Variants in MGAT5 observed in about 807,000 individuals in gnomAD.
The protein encoded by MGAT5 is alpha-1,6-mannosylglycoprotein 6-beta-N-acetylglucosaminyltransferase.
MGAT5 carries 30 observed loss-of-function variants against 94.3 expected under a neutral mutation model. The ratio of observed to expected loss-of-function variants is 0.32; its 90% CI spans 0.24 to 0.43. The LOEUF is 0.43. Ranked by LOEUF, MGAT5 falls within the 20% of genes least tolerant of loss-of-function variation. MGAT5 has a pLI of 1.00. For synonymous variants in MGAT5, 310 were observed against 322.9 expected (o/e 0.96, Z 0.43); for missense variants, 691 against 905.5 (o/e 0.76, Z 3.04).
rs146503488 is a variant in MGAT5, at chr2:134,331,457, G to A, written c.574-4760G>A. Among the ~76,000 whole-genome samples the A allele has an allele frequency of 4.0e-3, 616 of 152,228 alleles. 3 individuals carry two copies. Among genetic ancestry groups the A allele is most frequent in the African/African-American group, 0.014 (570 of 41,556 alleles). On this transcript the variant is annotated intron_variant, in intron 4 of 15. Transcript: ENST00000281923. ...GAGGAATGCTTCTCCTCAATCGATT[G>A]TTGTGTGCGTGTTGCCGTGAGCTCA...
chr2:134,141,043 A>G (rs543749300), intron 1 of MGAT5, among the ~76,000 whole-genome samples: 3 of 152,348 alleles, frequency 2.0e-5, no homozygotes, highest in Non-Finnish European at 4.4e-5. Flanking sequence ...TCATGAGGGC[A>G]CTGCCCTGAT....
chr2:134,153,316 AG>A (rs1451243069), intron 1 of MGAT5, among the ~76,000 whole-genome samples: 1 of 152,198 alleles, frequency 6.6e-6, no homozygotes, highest in African/African-American at 2.4e-5. Flanking sequence ...CCCTTTTTAA[AG>A]TGCTGAGGCT....
At chr2:134,281,139 C>T (rs1345602927) in intron 2 of MGAT5, among the ~76,000 whole-genome samples, 1 of 152,270 alleles carries the variant, frequency 6.6e-6, no homozygotes, top group East Asian at 1.9e-4. Flanking sequence ...TGTGCAATGG[C>T]GGTAGTGACA....
chr2:134,120,795 A>G (rs1297443638), intron 1 of MGAT5, among the ~76,000 whole-genome samples: 1 of 151,390 alleles, frequency 6.6e-6, no homozygotes, highest in African/African-American at 2.4e-5. Flanking sequence ...GGGAGGAAGG[A>G]AGAAGGAGGG....
intron 3 of MGAT5, among the ~76,000 whole-genome samples, chr2:134,318,263 A>T (rs568058442): frequency 2.0e-5 from 3 of 152,084 alleles, no homozygotes; most frequent in African/African-American, 7.2e-5. Context: ...CACGCACTGT[A>T]TTTCAGGTAC....
intron 1 of MGAT5, among the ~76,000 whole-genome samples, chr2:134,126,530 C>G (rs1163081162): frequency 6.6e-6 from 1 of 152,234 alleles, no homozygotes; most frequent in Non-Finnish European, 1.5e-5. Flanking sequence ...CCAGTAGACT[C>G]TCTTTAGCAG....
rs1210455612 is a variant in MGAT5, at chr2:134,333,442, G to T, written c.574-2775G>T. On this transcript the variant is annotated intron_variant, in intron 4 of 15. Coordinates refer to ENST00000281923, the MANE Select transcript of MGAT5 (RefSeq NM_002410.5). Reference sequence around the variant, plus strand: ...CACTCTGGGGACTGTTGTGGGGTGGGGGGAGGGGGGAGGGATAGCATTAGG... The same window carrying T: ...CACTCTGGGGACTGTTGTGGGGTGGTGGGAGGGGGGAGGGATAGCATTAGG... Among the ~76,000 whole-genome samples the T allele has an allele frequency of 5.1e-3, 566 of 110,758 alleles. 3 individuals are homozygous for T. The highest frequency in any genetic ancestry group is 0.019 in the African/African-American group (537 of 28,682). The allele number at this position is 110,758 out of a possible 152,430, so 72.7% of individuals were successfully genotyped here. A position where few individuals can be genotyped will look rare whatever the true frequency, so the allele number is the denominator to read the frequency against.
intron 1 of MGAT5, among the ~76,000 whole-genome samples, chr2:134,246,966 T>C (rs757375224): frequency 2.0e-5 from 3 of 152,234 alleles, no homozygotes; most frequent in Non-Finnish European, 4.4e-5. Context: ...GATGTGGTTC[T>C]GTGGTGAGCA....
intron 1 of MGAT5, among the ~76,000 whole-genome samples, chr2:134,134,764 A>T (rs760265089): frequency 2.6e-5 from 4 of 152,208 alleles, no homozygotes; most frequent in Non-Finnish European, 5.9e-5. Flanking sequence ...GGGACCAGGG[A>T]TGCTAAACAT....
chr2:134,447,716 TATGAG>T (rs1685869734), intron 15 of MGAT5, among the ~76,000 whole-genome samples: 1 of 152,100 alleles, frequency 6.6e-6, no homozygotes, highest in Admixed American at 6.5e-5. Context: ...GAGGGAAAGA[TATGAG>T]ATAAGAGGCC....
rs528500400 is a variant in MGAT5 at position 134,161,786 on chromosome 2, A to T, written c.-143+41495A>T. ...TAGTTTCATAGATTTATTTTTTTTT[A>T]AATGAGTAATAGTACCAGTGTATTT... is the stretch of plus-strand genomic sequence containing the variant. On this transcript the variant is annotated intron_variant, in intron 1 of 16. Transcript: ENST00000409645. 1.1e-4 allele frequency among the ~76,000 whole-genome samples: 17 copies of T among 152,164 alleles called. No individual in the cohort carries two copies. The East Asian group carries it at 1.2e-3, about 10-fold the overall frequency.
chr2:134,377,978 G>A (rs891547555), intron 10 of MGAT5, among the ~76,000 whole-genome samples: 1 of 152,134 alleles, frequency 6.6e-6, no homozygotes, highest in Non-Finnish European at 1.5e-5. Context: ...TCTTCTGCCA[G>A]CCCTGCTTAG....
intron 9 of MGAT5, among the ~76,000 whole-genome samples, chr2:134,356,700 G>A (rs976628365): frequency 6.6e-6 from 1 of 152,146 alleles, no homozygotes; most frequent in Non-Finnish European, 1.5e-5. Flanking sequence ...AAACCCTGTC[G>A]CTTACTACGC....
chr2:134,242,175 GT>G (rs1229492910), intron 1 of MGAT5, among the ~76,000 whole-genome samples: 1 of 152,216 alleles, frequency 6.6e-6, no homozygotes, highest in Non-Finnish European at 1.5e-5. Flanking sequence ...ACTTTGAGCA[GT>G]GCAAGGTGTG....
At chr2:134,384,475 C>T (rs1038818606) in intron 10 of MGAT5, among the ~76,000 whole-genome samples, 1 of 152,160 alleles carries the variant, frequency 6.6e-6, no homozygotes, top group Non-Finnish European at 1.5e-5. Context: ...GAACCAAACT[C>T]CTAGTTCTTA....
intron 10 of MGAT5, among the ~76,000 whole-genome samples, chr2:134,371,055 A>T (rs1680764569): frequency 6.6e-6 from 1 of 152,202 alleles, no homozygotes; most frequent in African/African-American, 2.4e-5. Flanking sequence ...ATCGTCTTAG[A>T]TCCATGAGGT....
intron 15 of MGAT5, among the ~76,000 whole-genome samples, chr2:134,443,168 G>A (rs2106429083): frequency 7.7e-6 from 1 of 129,556 alleles, no homozygotes; most frequent in East Asian, 2.3e-4. Flanking sequence ...GAGTAGGGGT[G>A]TAAGCTATGT....
intron 10 of MGAT5, among the ~76,000 whole-genome samples, chr2:134,387,301 G>GATATATATATATATATATATATAT (rs1553458949): frequency 7.0e-5 from 3 of 42,610 alleles, no homozygotes; most frequent in Admixed American, 4.0e-4. Context: ...AGTTATGTAT[G>GATATATATATATATATATATATAT]ATATATATAT....
chr2:134,198,449 G>A (rs909661927), intron 1 of MGAT5, among the ~76,000 whole-genome samples: 2 of 152,176 alleles, frequency 1.3e-5, no homozygotes, highest in African/African-American at 4.8e-5. Flanking sequence ...AGTCTAGCTG[G>A]GTGTGTGAGG....
Sources: gnomAD v4.1 joint callset for allele counts (sites outside exome capture counted in the v4.1 genomes callset) on GRCh38, gnomAD v4.1.1 for gene constraint, MANE v1.5 for transcripts, NCBI Gene and HGNC (gene_info 2026-07-23, HGNC 2026-07-21) for gene names.